CNTNAP2: variants seen among roughly 807,000 people sequenced by gnomAD.
The protein encoded by CNTNAP2 is contactin-associated protein-like 2.
CNTNAP2 carries 98 observed loss-of-function variants against 155.2 expected under a neutral mutation model. The observed-to-expected ratio is 0.63, with a 90% confidence interval of 0.54 to 0.75. CNTNAP2 has a LOEUF of 0.75. Among genes scored for constraint, CNTNAP2 ranks in the 30% least tolerant of loss-of-function variants. The probability of loss-of-function intolerance (pLI) is 0.00; values close to 1 mark genes in which losing one functional copy is unlikely to be tolerated. For missense variants in CNTNAP2, 1,727 were observed against 1,688.1 expected (o/e 1.02, Z -0.40); for synonymous variants, 651 against 631.2 (o/e 1.03, Z -0.47).
intron 15 of CNTNAP2, among the ~76,000 whole-genome samples, chr7:148,041,373 T>C (rs182992670): frequency 6.6e-6 from 1 of 152,174 alleles, no homozygotes. Context: ...AGAGAGGAAA[T>C]AAGTTACTGG....
At chr7:147,670,959 AGCT>A (rs1002907165) in intron 13 of CNTNAP2, among the ~76,000 whole-genome samples, 46 of 152,256 alleles carry the variant, frequency 3.0e-4, no homozygotes, top group African/African-American at 9.9e-4. Flanking sequence ...CTCCCTCTGG[AGCT>A]TCAGGGGTCA....
intron 1 of CNTNAP2, among the ~76,000 whole-genome samples, chr7:146,763,836 T>A (rs1802147807): frequency 6.6e-6 from 1 of 152,202 alleles, no homozygotes; most frequent in South Asian, 2.1e-4. Flanking sequence ...ATTTGTCAAT[T>A]GATTAAGGAT....
intron 18 of CNTNAP2, among the ~76,000 whole-genome samples, chr7:148,203,500 T>A (rs1339029225): frequency 1.3e-5 from 2 of 152,112 alleles, no homozygotes; most frequent in Non-Finnish European, 2.9e-5. Context: ...ATCCCAGCAC[T>A]TAGGGAGGCT....
At chr7:147,733,860 G>A (rs1171383809) in intron 13 of CNTNAP2, among the ~76,000 whole-genome samples, 1 of 152,270 alleles carries the variant, frequency 6.6e-6, no homozygotes, top group Non-Finnish European at 1.5e-5. Flanking sequence ...TTTGCACATT[G>A]ATTTTGTATC....
At chr7:146,884,943 A>G (rs1481603726) in intron 3 of CNTNAP2, among the ~76,000 whole-genome samples, 1 of 152,162 alleles carries the variant, frequency 6.6e-6, no homozygotes, top group South Asian at 2.1e-4. Context: ...TTTAAAGGTA[A>G]GTCTCTACAA....
intron 1 of CNTNAP2, among the ~76,000 whole-genome samples, chr7:146,657,558 C>T (rs1800016302): frequency 6.6e-6 from 1 of 152,116 alleles, no homozygotes; most frequent in Non-Finnish European, 1.5e-5. Context: ...TTCTCTCTTT[C>T]TCTCTCTATT....
At chr7:148,080,387 C>A (rs1276755163) in intron 15 of CNTNAP2, among the ~76,000 whole-genome samples, 2 of 152,060 alleles carry the variant, frequency 1.3e-5, no homozygotes, top group African/African-American at 4.8e-5. Context: ...AGGCGGATCA[C>A]GAGGTCAGGA....
Position 147,288,588 on chromosome 7 carries a change from G to GT in CNTNAP2, c.1349-11547dup, listed in dbSNP as rs536531070. 1.8e-3 allele frequency among the ~76,000 whole-genome samples: 272 copies of GT among 152,292 alleles called. 1 individual carries two copies. Among genetic ancestry groups the GT allele is most frequent in the Non-Finnish European group, 3.2e-3 (216 of 68,022 alleles). ...CGATGATCATCACGTGCTTCTTCCTGTTTTTTAACCTTTCTTCAGTTATCA... is the reference window on the plus strand; with the variant it reads ...CGATGATCATCACGTGCTTCTTCCTGTTTTTTTAACCTTTCTTCAGTTATCA... On this transcript the variant is annotated intron_variant, in intron 8 of 23. Transcript: ENST00000361727.
chr7:147,247,018 T>C (rs1804083995), intron 8 of CNTNAP2, among the ~76,000 whole-genome samples: 1 of 152,242 alleles, frequency 6.6e-6, no homozygotes, highest in African/African-American at 2.4e-5. Context: ...CATTCCACTG[T>C]ATTTAACAAG....
In CNTNAP2 at chr7:148,247,621, C is replaced by CTATT. The variant is rs1365333273; in HGVS notation, c.3381+17843_3381+17844insATTT. Among the ~76,000 whole-genome samples the CTATT allele has an allele frequency of 3.5e-3, 461 of 132,784 alleles. 3 individuals carry two copies. The highest frequency in any genetic ancestry group is 5.0e-3 in the African/African-American group (165 of 32,966). 87.1% of individuals were successfully genotyped at this position (132,784 alleles called of 152,430 possible). A position where few individuals can be genotyped will look rare whatever the true frequency, so the allele number is the denominator to read the frequency against. On this transcript the variant is annotated intron_variant, in intron 20 of 23. Transcript: ENST00000361727. ...TCTCTCTCTCTCTCTCTCTCTCTCTCTCTCTATTTATTTATTTATTTATTT... is the reference window on the plus strand; with the variant it reads ...TCTCTCTCTCTCTCTCTCTCTCTCTCTATTTCTCTATTTATTTATTTATTTATTT...
At chr7:147,329,144 C>T (rs892583424) in intron 9 of CNTNAP2, among the ~76,000 whole-genome samples, 1 of 150,682 alleles carries the variant, frequency 6.6e-6, no homozygotes, top group African/African-American at 2.4e-5. Context: ...GAGCACCCCC[C>T]CACACACACA....
chr7:146,947,633 T>A (rs1797218202), intron 3 of CNTNAP2, among the ~76,000 whole-genome samples: 1 of 146,250 alleles, frequency 6.8e-6, no homozygotes, highest in Non-Finnish European at 1.5e-5. Context: ...AAGCCAGGCA[T>A]GGTAGCTCAT....
intron 1 of CNTNAP2, among the ~76,000 whole-genome samples, chr7:146,468,110 A>G (rs1167212321): frequency 1.3e-5 from 2 of 152,216 alleles, no homozygotes; most frequent in East Asian, 1.9e-4. Flanking sequence ...AAAGCATAAT[A>G]TTAGACATCT....
intron 1 of CNTNAP2, among the ~76,000 whole-genome samples, chr7:146,618,810 C>T (rs1799269314): frequency 6.6e-6 from 1 of 152,270 alleles, no homozygotes; most frequent in Admixed American, 6.5e-5. Context: ...TGGCTCACGC[C>T]TGTAATCCCA....
At chr7:146,831,546 T>C (rs764365918) in intron 2 of CNTNAP2, among the ~76,000 whole-genome samples, 1 of 151,506 alleles carries the variant, frequency 6.6e-6, no homozygotes, top group Admixed American at 6.6e-5. Context: ...CATGGTGGCA[T>C]GTGCCTGTAA....
intron 10 of CNTNAP2, among the ~76,000 whole-genome samples, chr7:147,472,558 C>A (rs540698116): frequency 1.8e-4 from 28 of 152,090 alleles, no homozygotes; most frequent in Non-Finnish European, 2.8e-4. Context: ...GATCAGTCTG[C>A]CATTTTATTG....
intron 14 of CNTNAP2, among the ~76,000 whole-genome samples, chr7:147,961,255 C>G (rs1166970235): frequency 6.6e-6 from 1 of 152,154 alleles, no homozygotes; most frequent in Admixed American, 6.5e-5. Context: ...ATGTATCTTA[C>G]TATCTTCTGC....
At chr7:148,102,882 C>A (rs1220161083) in intron 15 of CNTNAP2, among the ~76,000 whole-genome samples, 2 of 152,190 alleles carry the variant, frequency 1.3e-5, no homozygotes, top group African/African-American at 4.8e-5. Flanking sequence ...GCCCATGACA[C>A]AGCCTCAGGA....
intron 1 of CNTNAP2, among the ~76,000 whole-genome samples, chr7:146,597,796 C>T (rs1249628551): frequency 1.3e-5 from 2 of 151,868 alleles, no homozygotes; most frequent in Non-Finnish European, 1.5e-5. Flanking sequence ...AATGTGGGTA[C>T]AATAAAATAA....
Sources: gnomAD v4.1 joint callset for allele counts (sites outside exome capture counted in the v4.1 genomes callset) on GRCh38, gnomAD v4.1.1 for gene constraint, MANE v1.5 for transcripts, NCBI Gene and HGNC (gene_info 2026-07-23, HGNC 2026-07-21) for gene names.